Variants in COMMD1 observed in about 807,000 individuals in gnomAD.
COMMD1 encodes the protein COMM domain-containing protein 1.
COMMD1 carries 10 observed loss-of-function variants against 17.2 expected under a neutral mutation model. The observed-to-expected ratio is 0.58, with a 90% CI of 0.36 to 0.99. The LOEUF (loss-of-function observed/expected upper bound fraction) is 0.99. Ranked by LOEUF, COMMD1 falls within the 50% of genes least tolerant of loss-of-function variation. COMMD1 has a pLI of 0.01. For synonymous variants in COMMD1, 97 were observed against 91.6 expected (o/e 1.06, Z -0.34); for missense variants, 270 against 231.8 (o/e 1.17, Z -1.07).
intron 1 of COMMD1, among the ~76,000 whole-genome samples, chr2:61,963,271 G>A (rs1671415089): frequency 6.6e-6 from 1 of 150,520 alleles, no homozygotes; most frequent in Admixed American, 6.6e-5. Flanking sequence ...GTAAGTATAG[G>A]ACTTTCCTGA....
intron 2 of COMMD1, among the ~76,000 whole-genome samples, chr2:62,094,059 A>C (rs1573177769): frequency 6.6e-6 from 1 of 152,136 alleles, no homozygotes; most frequent in South Asian, 2.1e-4. Context: ...CCGTGAACCA[A>C]ATTAACTCAG....
chr2:61,967,527 G>A (rs957489109), intron 1 of COMMD1, among the ~76,000 whole-genome samples: 5 of 152,152 alleles, frequency 3.3e-5, no homozygotes, highest in African/African-American at 1.2e-4. Context: ...CAGATTGAAA[G>A]CTCTTCAAAA....
At chr2:62,121,996 G>C (rs1381729206) in intron 2 of COMMD1, among the ~76,000 whole-genome samples, 1 of 152,038 alleles carries the variant, frequency 6.6e-6, no homozygotes, top group African/African-American at 2.4e-5. Context: ...TTGCCATGTT[G>C]CCCAGGCTGG....
intron 1 of COMMD1, among the ~76,000 whole-genome samples, chr2:61,982,412 A>G (rs754586181): frequency 1.3e-5 from 2 of 152,214 alleles, no homozygotes; most frequent in Non-Finnish European, 2.9e-5. Context: ...TCCAAATACA[A>G]GATTATATCA....
chr2:61,954,027 G>T (rs1477110436), intron 1 of COMMD1, among the ~76,000 whole-genome samples: 1 of 151,978 alleles, frequency 6.6e-6, no homozygotes, highest in Non-Finnish European at 1.5e-5. Flanking sequence ...AGACCAGCCT[G>T]GCCAACATCG....
At chr2:61,894,347 C>G (rs541575761) in intron 1 of COMMD1, among the ~76,000 whole-genome samples, 23 of 152,032 alleles carry the variant, frequency 1.5e-4, no homozygotes, top group African/African-American at 5.1e-4. Flanking sequence ...AGTGATTCAC[C>G]CGCCTTGGCC....
intron 2 of COMMD1, among the ~76,000 whole-genome samples, chr2:62,129,740 TTC>T (rs1181942888): frequency 1.3e-5 from 2 of 152,194 alleles, no homozygotes; most frequent in African/African-American, 4.8e-5. Flanking sequence ...CTCTTCCTCT[TTC>T]TCTCTTTCTC....
intron 1 of COMMD1, among the ~76,000 whole-genome samples, chr2:61,978,434 G>T (rs986057263): frequency 1.3e-5 from 2 of 152,116 alleles, no homozygotes; most frequent in African/African-American, 4.8e-5. Context: ...TAATATCAAG[G>T]TTTTTTCCTT....
At chr2:62,109,919 CTTTTTTTTTTTTTTT>C (rs11345736) in intron 2 of COMMD1, among the ~76,000 whole-genome samples, 86 of 73,864 alleles carry the variant, frequency 1.2e-3, no homozygotes, top group African/African-American at 4.6e-3. Flanking sequence ...TTATCTTGAT[CTTTTTTTTTTTTTTT>C]TTTTTTTTTT....
At chr2:61,984,903 CTT>C (rs796922521) in intron 1 of COMMD1, among the ~76,000 whole-genome samples, 3 of 147,084 alleles carry the variant, frequency 2.0e-5, no homozygotes, top group Admixed American at 6.8e-5. Context: ...CATATAATGA[CTT>C]TTTTTTTTGG....
intron 2 of COMMD1, among the ~76,000 whole-genome samples, chr2:62,112,449 C>CT (rs1348968201): frequency 2.6e-5 from 4 of 152,200 alleles, no homozygotes; most frequent in Non-Finnish European, 5.9e-5. Flanking sequence ...TTTCACATGA[C>CT]TGTTTGTCAC....
At chr2:61,957,149 C>T (rs1257875767) in intron 1 of COMMD1, among the ~76,000 whole-genome samples, 2 of 151,608 alleles carry the variant, frequency 1.3e-5, no homozygotes, top group Non-Finnish European at 2.9e-5. Context: ...TGTGGTCTCG[C>T]TTGTTGCCCA....
Position 61,992,002 on chromosome 2 carries a change from TGTA to T in COMMD1, c.181-8695_181-8693del, listed in dbSNP as rs1216756617. On this transcript the variant is annotated intron_variant, in intron 1 of 2. Coordinates refer to ENST00000311832, the MANE Select transcript of COMMD1 (RefSeq NM_152516.4). ...ATAATTTCTAATATGATGTCATAAA[TGTA>T]GTACAAAGGAAAAGTATAAGAAATC... 2.6e-5 allele frequency among the ~76,000 whole-genome samples: 4 copies of T among 152,308 alleles called. No individual in the cohort carries two copies. The South Asian group carries it at 6.2e-4, about 24-fold the overall frequency.
Position 62,086,225 on chromosome 2 carries a change from T to C in COMMD1, c.463-49606T>C, listed in dbSNP as rs796573797. ...AAACATGAAATTAAAATTTCTCTTC[T>C]GTGGCCGGGCGCGGTGGCTCAAGCC... On this transcript the variant is annotated intron_variant, in intron 2 of 2. Transcript: ENST00000311832. Among the ~76,000 whole-genome samples, 20 of 151,926 alleles carry C rather than the reference T, an allele frequency of 1.3e-4. 1 individual carries two copies. The highest frequency in any genetic ancestry group is 4.8e-4 in the African/African-American group (20 of 41,456).
At chr2:61,950,316 C>T (rs1288734680) in intron 1 of COMMD1, among the ~76,000 whole-genome samples, 6 of 152,222 alleles carry the variant, frequency 3.9e-5, no homozygotes, top group Admixed American at 3.9e-4. Context: ...ACTTTCCCTC[C>T]TCCAACCTGG....
chr2:62,130,420 G>A (rs1672999677), intron 2 of COMMD1, among the ~76,000 whole-genome samples: 1 of 152,030 alleles, frequency 6.6e-6, no homozygotes, highest in South Asian at 2.1e-4. Flanking sequence ...GATTACAGGT[G>A]CACACCTATG....
chr2:62,126,471 G>A (rs995870173), intron 2 of COMMD1, among the ~76,000 whole-genome samples: 5 of 152,130 alleles, frequency 3.3e-5, no homozygotes, highest in African/African-American at 1.2e-4. Context: ...CATTCTGACT[G>A]GCATGAGATG....
intron 1 of COMMD1, among the ~76,000 whole-genome samples, chr2:61,942,523 G>A (rs1572985899): frequency 6.6e-6 from 1 of 150,526 alleles, no homozygotes. Flanking sequence ...TTACAGGGGT[G>A]AGCCACTGTG....
At chr2:62,031,928 A>G (rs1573093251) in intron 2 of COMMD1, among the ~76,000 whole-genome samples, 2 of 152,186 alleles carry the variant, frequency 1.3e-5, no homozygotes, top group African/African-American at 4.8e-5. Flanking sequence ...TATCACATTA[A>G]CAATACTTAG....
Sources: allele counts gnomAD v4.1 joint callset (sites outside exome capture counted in the v4.1 genomes callset), GRCh38; gene constraint gnomAD v4.1.1; transcripts MANE v1.5; gene names NCBI Gene and HGNC (gene_info 2026-07-23, HGNC 2026-07-21).